The following BUB1 variants were observed in gnomAD, a reference collection of about 807,000 sequenced individuals.
The protein encoded by BUB1 is mitotic checkpoint serine/threonine-protein kinase BUB1.
In BUB1, 84 loss-of-function variants were observed where a neutral mutation model predicts 135.2. That is an observed-to-expected ratio of 0.62 (90% CI 0.52 to 0.74). The LOEUF is 0.74. Among genes scored for constraint, BUB1 ranks in the 30% least tolerant of loss-of-function variants. The pLI is 0.00. For synonymous variants in BUB1, 403 were observed against 434.4 expected (o/e 0.93, Z 0.90); for missense variants, 1,162 against 1,288.3 (o/e 0.90, Z 1.50).
intron 11 of BUB1, among the ~76,000 whole-genome samples, chr2:110,659,487 G>A (rs1435549229): frequency 6.6e-6 from 1 of 152,080 alleles, no homozygotes; most frequent in African/African-American, 2.4e-5. Context: ...TTCAGTTAAT[G>A]AACCTCCAGC....
chr2:110,653,222 C>T (rs959715235), intron 17 of BUB1, among the ~76,000 whole-genome samples: 1 of 152,162 alleles, frequency 6.6e-6, no homozygotes, highest in African/African-American at 2.4e-5. Flanking sequence ...AAGCACCGGC[C>T]TGATGTATCA....
At chr2:110,665,564 AGAAT>A (rs1354721625) in intron 9 of BUB1, among the ~76,000 whole-genome samples, 1 of 148,890 alleles carries the variant, frequency 6.7e-6, no homozygotes, top group Non-Finnish European at 1.5e-5. Context: ...AAAAAGAAAA[AGAAT>A]GTTTGTGTGT....
At chr2:110,676,707 A>G (rs1690598155) in intron 1 of BUB1, 1 of 152,226 alleles carries the variant, frequency 6.6e-6, no homozygotes, top group South Asian at 2.1e-4. Context: ...GCGTATATAT[A>G]TACTGTTATA....
intron 19 of BUB1, among the ~76,000 whole-genome samples, chr2:110,643,297 T>C (rs1484780080): frequency 6.6e-6 from 1 of 152,168 alleles, no homozygotes; most frequent in East Asian, 1.9e-4. Context: ...GGGGGAGTTA[T>C]AATGTAAAGA....
At chr2:110,652,375 G>C (rs1327961429) in intron 17 of BUB1, among the ~76,000 whole-genome samples, 2 of 151,986 alleles carry the variant, frequency 1.3e-5, no homozygotes, top group Non-Finnish European at 2.9e-5. Context: ...TGGTGATTTT[G>C]GTATTGAAAA....
intron 19 of BUB1, among the ~76,000 whole-genome samples, chr2:110,644,371 G>A (rs1689588055): frequency 6.6e-6 from 1 of 151,552 alleles, no homozygotes; most frequent in Non-Finnish European, 1.5e-5. Flanking sequence ...CAGCTACTCG[G>A]GAAGCTGAGG....
intron 4 of BUB1, among the ~76,000 whole-genome samples, chr2:110,671,923 A>G (rs553194094): frequency 6.6e-6 from 1 of 152,312 alleles, no homozygotes; most frequent in East Asian, 1.9e-4. Context: ...AATGTTATTA[A>G]GAAATATATT....
chr2:110,661,623 T>C lies in BUB1; in HGVS notation c.1176A>G (p.Thr392=). ...CCACTGCAAACATGGAGTCTGTTAC[T>C]GTCTGGGCTTTCAAAGGAACAGGAG... The part of the protein sequence containing the change: ...IAPPVPLKAQ[T]VTDSMFAVAS... The change falls in exon 10 of 25, where the codon ACA becomes ACG. Residue 392 remains threonine, a synonymous_variant. Coordinates refer to ENST00000302759, the MANE Select transcript of BUB1 (RefSeq NM_004336.5). 1 of 1,614,212 alleles carries C rather than the reference T, an allele frequency of 6.2e-7. No homozygotes were observed. The highest frequency in any genetic ancestry group is 8.5e-7 in the Non-Finnish European group (1 of 1,180,032).
At chr2:110,651,848 C>T (rs1689795736) in intron 17 of BUB1, among the ~76,000 whole-genome samples, 1 of 152,152 alleles carries the variant, frequency 6.6e-6, no homozygotes, top group Non-Finnish European at 1.5e-5. Context: ...AATACAATAA[C>T]ATGCTGTACA....
chr2:110,669,590 A>T, intron 5 of BUB1, 37 bp from the exon 6 acceptor site: 2 of 1,351,970 alleles, frequency 1.5e-6, no homozygotes, highest in Non-Finnish European at 2.1e-6. Context: ...GGAGAAATTA[A>T]GGGTAAAACC....
chr2:110,639,450 C>T (rs896799670), intron 24 of BUB1, among the ~76,000 whole-genome samples: 1 of 151,418 alleles, frequency 6.6e-6, no homozygotes, highest in African/African-American at 2.4e-5. Flanking sequence ...AACCTGAGGT[C>T]CAGTGACATT....
In BUB1 at chr2:110,646,837, GAA is replaced by G. The variant is rs544457952; in HGVS notation, c.2347+2395_2347+2396del. 2.7e-4 allele frequency among the ~76,000 whole-genome samples: 41 copies of G among 152,058 alleles called. 1 individual carries two copies. The South Asian group carries it at 7.7e-3, about 28-fold the overall frequency. On this transcript the variant is annotated intron_variant, in intron 19 of 24. Transcript: ENST00000302759. Reference sequence around the variant, plus strand: ...AATGAGATTCTACCTTAAGAAACTAGAAAAAAGAGCAAATTAAAACTAAAGTA... The same window carrying G: ...AATGAGATTCTACCTTAAGAAACTAGAAAAGAGCAAATTAAAACTAAAGTA...
chr2:110,652,770 A>G (rs1689819478), intron 17 of BUB1, among the ~76,000 whole-genome samples: 1 of 152,222 alleles, frequency 6.6e-6, no homozygotes, highest in Non-Finnish European at 1.5e-5. Flanking sequence ...AATTTCATAC[A>G]CTGCTATTTT....
chr2:110,641,894 T>C (rs1368426064), intron 20 of BUB1, 91 bp from the exon 21 acceptor site: 2 of 1,379,144 alleles, frequency 1.5e-6, no homozygotes, highest in Non-Finnish European at 9.9e-7. Flanking sequence ...AAAGATGTGG[T>C]GTTGATAGTG....
intron 8 of BUB1, 21 bp downstream of exon 8, chr2:110,667,500 A>G: frequency 1.3e-6 from 2 of 1,585,636 alleles, no homozygotes; most frequent in Non-Finnish European, 1.7e-6. Flanking sequence ...AGAATAACTA[A>G]AAATACAAGA....
In BUB1 at chr2:110,642,108, A is replaced by G. The variant is rs781034240; in HGVS notation, c.2463+11T>C. The G allele has an allele frequency of 1.9e-6, 3 of 1,567,868 alleles. No individual in the cohort carries two copies. Among genetic ancestry groups the G allele is most frequent in the Non-Finnish European group, 2.6e-6 (3 of 1,146,504 alleles). On this transcript the variant is annotated intron_variant, in intron 20 of 24. Transcript: ENST00000302759. ...TTCTATATCATACAAAAGACAACTCAGGTCATTTACCTTTAAAACAAATTT... is the reference window on the plus strand; with the variant it reads ...TTCTATATCATACAAAAGACAACTCGGGTCATTTACCTTTAAAACAAATTT...
In BUB1 at chr2:110,678,043, G is replaced by C; in HGVS notation, c.-48C>G. 2 of 1,571,858 alleles carry C rather than the reference G, an allele frequency of 1.3e-6. No individual in the cohort carries two copies. The highest frequency in any genetic ancestry group is 1.4e-5 in the African/African-American group (1 of 73,632). On this transcript the variant is annotated 5_prime_UTR_variant, in exon 1 of 25. Transcript: ENST00000302759. ...GCGGCCAAACCTGAACCGCAAACTA[G>C]AAGCCGCCGCCGATTCGAATACCCC...
At position 110,638,069 on chromosome 2, in the gene BUB1, C is replaced by A; in HGVS notation, c.3153G>T (p.Arg1051Ser). The change falls in exon 25 of 25, where the codon AGG becomes AGT. Residue 1051 changes from arginine (R) to serine (S), a missense_variant. By Grantham distance (110) the Arg-to-Ser change is moderately radical. Coordinates refer to ENST00000302759, the MANE Select transcript of BUB1 (RefSeq NM_004336.5). ...GTTGAAATACTTTCTTCAGCTTTTG[C>A]CTTAACAAATCCAAAGATGGAAGAT... ...CHHLPSLDLL[R>S]QKLKKVFQQH... is the part of the protein sequence containing the mutation. 6.2e-7 allele frequency: 1 copy of A among 1,612,286 alleles called. No homozygotes were observed. The highest frequency in any genetic ancestry group is 8.5e-7 in the Non-Finnish European group (1 of 1,179,178).
chr2:110,678,027 C>T lies in BUB1; in HGVS notation c.-32G>A, dbSNP rs762653492. ...AGGACGCTGGCCGGCAGCGGCCAAA[C>T]CTGAACCGCAAACTAGAAGCCGCCG... On this transcript the variant is annotated 5_prime_UTR_variant, in exon 1 of 25. Transcript: ENST00000302759. 2.5e-6 allele frequency: 4 copies of T among 1,592,434 alleles called. No homozygotes were observed. The highest frequency in any genetic ancestry group is 2.3e-5 in the South Asian group (2 of 88,300).
Sources: gnomAD v4.1 joint callset for allele counts (sites outside exome capture counted in the v4.1 genomes callset) on GRCh38, gnomAD v4.1.1 for gene constraint, MANE v1.5 for transcripts, NCBI Gene and HGNC (gene_info 2026-07-23, HGNC 2026-07-21) for gene names.